TBC1D12: variants seen among roughly 807,000 people sequenced by gnomAD.
The protein encoded by TBC1D12 is TBC1 domain family, member 12.
Under a neutral mutation model 86.7 loss-of-function variants are expected in TBC1D12, and 56 were observed. The ratio of observed to expected loss-of-function variants is 0.65; its 90% confidence interval spans 0.52 to 0.81. The LOEUF (loss-of-function observed/expected upper bound fraction) is 0.81. Ranked by LOEUF, TBC1D12 falls within the 30% of genes least tolerant of loss-of-function variation. The pLI is 0.00. For missense variants in TBC1D12, 1,023 were observed against 1,038.8 expected (o/e 0.98, Z 0.21); for synonymous variants, 421 against 411.7 (o/e 1.02, Z -0.27).
In TBC1D12 at chr10:94,473,198, C is replaced by CAAA. The variant is rs529280932; in HGVS notation, c.1096-1459_1096-1457dup. Among the ~76,000 whole-genome samples, 466 of 133,024 alleles carry CAAA rather than the reference C, an allele frequency of 3.5e-3. 2 individuals carry two copies. The highest frequency in any genetic ancestry group is 0.012 in the African/African-American group (444 of 36,200). The allele number at this position is 133,024 out of a possible 152,430, so 87.3% of individuals were successfully genotyped here. ...AGAAACCCTGTCTCTACTAAAAATA[C>CAAA]AAAAAAAAAAAAATAGCCAGCCGTG... On this transcript the variant is annotated intron_variant, in intron 2 of 12. Coordinates refer to ENST00000225235, the MANE Select transcript of TBC1D12 (RefSeq NM_015188.2).
intron 3 of TBC1D12, among the ~76,000 whole-genome samples, chr10:94,485,221 C>T (rs930262521): frequency 4.6e-5 from 7 of 152,052 alleles, no homozygotes; most frequent in African/African-American, 1.7e-4. Context: ...TATGATACTG[C>T]AAGTCTGTTG....
At chr10:94,478,000 G>A (rs1341096052) in intron 3 of TBC1D12, among the ~76,000 whole-genome samples, 2 of 152,208 alleles carry the variant, frequency 1.3e-5, no homozygotes, top group Admixed American at 1.3e-4. Context: ...AAACAGAGGA[G>A]CTAGGCATGG....
At chr10:94,456,562 T>G (rs1226456342) in intron 2 of TBC1D12, among the ~76,000 whole-genome samples, 1 of 152,228 alleles carries the variant, frequency 6.6e-6, no homozygotes, top group Non-Finnish European at 1.5e-5. Context: ...ATTTTAAACT[T>G]GTTAAGGTGT....
chr10:94,470,160 A>G (rs1448744159), intron 2 of TBC1D12, among the ~76,000 whole-genome samples: 3 of 152,160 alleles, frequency 2.0e-5, no homozygotes, highest in Non-Finnish European at 1.5e-5. Flanking sequence ...AGAGAAATGG[A>G]GTTGCTGATT....
intron 5 of TBC1D12, among the ~76,000 whole-genome samples, chr10:94,499,517 A>T (rs2056367930): frequency 6.6e-6 from 1 of 152,192 alleles, no homozygotes; most frequent in Non-Finnish European, 1.5e-5. Context: ...TTTACATAAC[A>T]TTTTAAAATA....
intron 9 of TBC1D12, among the ~76,000 whole-genome samples, chr10:94,512,043 C>T (rs1265821187): frequency 6.6e-6 from 1 of 152,114 alleles, no homozygotes. Flanking sequence ...AGGGGATTTG[C>T]TCCTTATACA....
In TBC1D12 at chr10:94,418,882, C is replaced by CT. The variant is rs945251223; in HGVS notation, c.971+15307dup. ...CCACTGTGCCCAGCCTTTTTTTTTT[C>CT]TTTTTTTTTCGAGGCAGAGTCTCGC... On this transcript the variant is annotated intron_variant, in intron 1 of 12. Coordinates refer to ENST00000225235, the MANE Select transcript of TBC1D12 (RefSeq NM_015188.2). Among the ~76,000 whole-genome samples, 33 of 142,902 alleles carry CT rather than the reference C, an allele frequency of 2.3e-4. No homozygotes were observed. In the East Asian group the frequency reaches 3.6e-3, roughly 16 times the overall value. 93.7% of individuals were successfully genotyped at this position (142,902 alleles called of 152,430 possible). A position where few individuals can be genotyped will look rare whatever the true frequency, so the allele number is the denominator to read the frequency against.
At chr10:94,507,184 A>C in intron 6 of TBC1D12, 83 bp from the exon 7 acceptor site, 1 of 1,359,328 alleles carries the variant, frequency 7.4e-7, no homozygotes, top group Non-Finnish European at 1.0e-6. Context: ...CTGACCTGTA[A>C]TAGGTAAAGA....
At chr10:94,509,806 AT>A (rs1367344329) in intron 7 of TBC1D12, 3 of 309,950 alleles carry the variant, frequency 9.7e-6, no homozygotes, top group Non-Finnish European at 1.8e-5. Flanking sequence ...ATATTTGTAA[AT>A]TTTTTTCCTA....
chr10:94,471,284 A>C (rs1296438851), intron 2 of TBC1D12, among the ~76,000 whole-genome samples: 1 of 152,018 alleles, frequency 6.6e-6, no homozygotes, highest in Non-Finnish European at 1.5e-5. Flanking sequence ...TCTCCAAAAA[A>C]AAAAAAAAAA....
Position 94,403,065 on chromosome 10 carries a change from A to C in TBC1D12, c.452A>C (p.Glu151Ala). The C allele has an allele frequency of 6.6e-7, 1 of 1,506,030 alleles. No individual in the cohort carries two copies. The highest frequency in any genetic ancestry group is 1.3e-5 in the South Asian group (1 of 77,730). The allele number at this position is 1,506,030 out of a possible 1,614,324, so 93.3% of individuals were successfully genotyped here. A position where few individuals can be genotyped will look rare whatever the true frequency, so the allele number is the denominator to read the frequency against. The change falls in exon 1 of 13, where the codon GAG becomes GCG. Residue 151 changes from glutamate (E) to alanine (A), a missense_variant. Glu to Ala is a moderately radical substitution (Grantham distance 107, BLOSUM62 -1). This residue lies in a region of TBC1D12 where 628 missense variants were observed against 531.1 expected (regional missense o/e 1.18). Coordinates refer to ENST00000225235, the MANE Select transcript of TBC1D12 (RefSeq NM_015188.2). ...GGCCGGGACTGTCGCGATCTGGAAG[A>C]GGCTCGCGGGCTGGCGCGCGCCGGC... Reference protein sequence around the residue: ...LPGRDCRDLEEARGLARAGGR... With the variant: ...LPGRDCRDLEAARGLARAGGR...
chr10:94,505,202 A>C (rs2056444941), intron 6 of TBC1D12, among the ~76,000 whole-genome samples: 1 of 152,216 alleles, frequency 6.6e-6, no homozygotes, highest in South Asian at 2.1e-4. Context: ...TTTTATACCT[A>C]ATAACCCCCA....
At chr10:94,520,148 A>T (rs1442881985) in intron 9 of TBC1D12, among the ~76,000 whole-genome samples, 1 of 152,252 alleles carries the variant, frequency 6.6e-6, no homozygotes, top group Non-Finnish European at 1.5e-5. Flanking sequence ...GTTAAGAGAG[A>T]TAGCACCCTC....
At chr10:94,501,072 AAATGAATG>A (rs199587549) in intron 6 of TBC1D12, among the ~76,000 whole-genome samples, 73 of 143,234 alleles carry the variant, frequency 5.1e-4, no homozygotes, top group Non-Finnish European at 9.0e-4. Flanking sequence ...ATGAATGAAT[AAATGAATG>A]AATGAATGAA....
chr10:94,455,201 A>G (rs1284767989), intron 2 of TBC1D12, among the ~76,000 whole-genome samples: 7 of 149,960 alleles, frequency 4.7e-5, no homozygotes, highest in South Asian at 4.2e-4. Context: ...TTTTTTTTTT[A>G]AACATTGAGC....
intron 1 of TBC1D12, among the ~76,000 whole-genome samples, chr10:94,434,093 A>G (rs1400436364): frequency 1.3e-5 from 2 of 152,212 alleles, no homozygotes; most frequent in Non-Finnish European, 2.9e-5. Context: ...GGGTACTTGA[A>G]GTCTGAAATG....
chr10:94,416,386 G>T (rs2054998189), intron 1 of TBC1D12, among the ~76,000 whole-genome samples: 1 of 152,164 alleles, frequency 6.6e-6, no homozygotes, highest in African/African-American at 2.4e-5. Context: ...GAGGGTATTA[G>T]TTGTTAGAAG....
chr10:94,495,831 C>T (rs951723020), intron 4 of TBC1D12, among the ~76,000 whole-genome samples: 3 of 151,878 alleles, frequency 2.0e-5, no homozygotes, highest in Admixed American at 6.6e-5. Flanking sequence ...CGGCCAGATG[C>T]GGTAGCTCAC....
At chr10:94,506,240 T>C (rs996225666) in intron 6 of TBC1D12, among the ~76,000 whole-genome samples, 1 of 151,958 alleles carries the variant, frequency 6.6e-6, no homozygotes, top group Non-Finnish European at 1.5e-5. Context: ...GGTTTCACCA[T>C]GTTGGCCAGA....
Sources: gnomAD v4.1 joint callset for allele counts (sites outside exome capture counted in the v4.1 genomes callset) on GRCh38, gnomAD v4.1.1 for gene constraint, gnomAD v4.1.1 regional missense constraint, MANE v1.5 for transcripts, NCBI Gene and HGNC (gene_info 2026-07-23, HGNC 2026-07-21) for gene names.